Variants in TGM2 observed in about 807,000 individuals in gnomAD.
TGM2 encodes transglutaminase 2.
A neutral mutation model predicts 75.6 loss-of-function variants in TGM2; 53 were observed. The ratio of observed to expected loss-of-function variants is 0.70; its 90% CI spans 0.56 to 0.88. The LOEUF (loss-of-function observed/expected upper bound fraction) is 0.88, where lower values mean the gene tolerates loss of function less well. Ranked by LOEUF, TGM2 falls within the 40% of genes least tolerant of loss-of-function variation. The pLI, the probability that TGM2 is intolerant of heterozygous loss-of-function variation, is 0.00. For missense variants in TGM2, 842 were observed against 928.5 expected (o/e 0.91, Z 1.21); for synonymous variants, 374 against 381.1 (o/e 0.98, Z 0.22).
chr20:38,131,187 C>T lies in TGM2; in HGVS notation c.1819G>A (p.Val607Met), dbSNP rs142710449. Reference sequence around the variant, plus strand: ...ACAGGGAGCGGGTTCTGCAGGGACACCTCAGCCACCAGCTTGCGTTTCTGC... The same window carrying T: ...ACAGGGAGCGGGTTCTGCAGGGACATCTCAGCCACCAGCTTGCGTTTCTGC... ...PKQKRKLVAE[V>M]SLQNPLPVAL... Residue 607 changes from valine to methionine, a missense_variant, in exon 12 of 13, where the codon GTG becomes ATG. Transcript: ENST00000361475. 6.2e-7 allele frequency: 1 copy of T among 1,613,928 alleles called. No homozygotes were observed. The highest frequency in any genetic ancestry group is 8.5e-7 in the Non-Finnish European group (1 of 1,180,012).
At chr20:38,145,921 A>C (rs2075039462) in intron 6 of TGM2, 1 of 151,832 alleles carries the variant, frequency 6.6e-6, no homozygotes, top group Non-Finnish European at 1.5e-5. Flanking sequence ...ACACACAACC[A>C]TGCCTGCTAA....
Position 38,132,309 on chromosome 20 carries a change from G to A in TGM2, c.1776+31C>T, listed in dbSNP as rs371239557. The stretch of plus-strand genomic sequence containing the variant: ...CTCTCCCCAGCGCTGAGCTGCCCTG[G>A]GACCCTGCCCCTTGCCCAGCCTGCC... On this transcript the variant is annotated intron_variant, in intron 11 of 12. Transcript: ENST00000361475. 2,753 of 1,613,630 alleles carry A rather than the reference G, an allele frequency of 1.7e-3. 58 individuals carry two copies. In the South Asian group the frequency reaches 0.022, roughly 13 times the overall value.
Position 38,150,999 on chromosome 20 carries a change from C to G in TGM2, c.492G>C (p.Gln164His). The change falls in exon 4 of 13, where the codon CAG becomes CAC. Residue 164 changes from glutamine to histidine, a missense_variant. Gln to His is a conservative substitution (Grantham distance 24, BLOSUM62 0). Coordinates refer to ENST00000361475, the MANE Select transcript of TGM2 (RefSeq NM_004613.4). ...TGGCCGAGCCCTGGTAGATAAAGCC[C>G]TGCTGGGTGAGGACATACTCCTGCC... ...EERQEYVLTQ[Q>H]GFIYQGSAKF... The G allele has an allele frequency of 1.2e-6, 2 of 1,614,174 alleles. No homozygotes were observed. Among genetic ancestry groups the G allele is most frequent in the Non-Finnish European group, 1.7e-6 (2 of 1,180,036 alleles).
intron 3 of TGM2, among the ~76,000 whole-genome samples, chr20:38,153,596 G>A (rs2075144766): frequency 1.3e-5 from 2 of 151,240 alleles, no homozygotes; most frequent in Non-Finnish European, 2.9e-5. Flanking sequence ...GCCTCACGGT[G>A]TATTGTGAGG....
intron 10 of TGM2, among the ~76,000 whole-genome samples, chr20:38,134,518 T>C (rs1486369837): frequency 2.0e-5 from 3 of 152,160 alleles, no homozygotes; most frequent in Admixed American, 1.3e-4. Context: ...AAAGTCTCCG[T>C]CCACAAGCCA....
Position 38,147,944 on chromosome 20 carries a change from C to T in TGM2, c.681+17G>A. On this transcript the variant is annotated intron_variant, in intron 5 of 12. Coordinates refer to ENST00000361475, the MANE Select transcript of TGM2 (RefSeq NM_004613.4). ...CCTGTAGGCCCCGCCCCTGGATGGG[C>T]CATGCCACTCACTCACCATGCCACT... 6.2e-7 allele frequency: 1 copy of T among 1,605,378 alleles called. No homozygotes were observed. The highest frequency in any genetic ancestry group is 1.1e-5 in the South Asian group (1 of 89,860).
intron 3 of TGM2, among the ~76,000 whole-genome samples, chr20:38,155,045 G>A (rs2122949176): frequency 6.6e-6 from 1 of 152,362 alleles, no homozygotes; most frequent in African/African-American, 2.4e-5. Context: ...GGCAGAGGTT[G>A]CAGTGAGCTG....
At chr20:38,156,644 C>T (rs1401560520) in intron 2 of TGM2, among the ~76,000 whole-genome samples, 3 of 152,228 alleles carry the variant, frequency 2.0e-5, no homozygotes, top group African/African-American at 4.8e-5. Context: ...GCCCACACAG[C>T]CTCAAGGTGT....
rs572133549 is a variant in TGM2 at position 38,146,625 on chromosome 20, C to T, written c.859+92G>A. ...CATTGAGAGTGTTGGTGGCAGGGGG[C>T]AGGACCAGGGCAGGGATGTCCTGAT... On this transcript the variant is annotated intron_variant, in intron 6 of 12. Transcript: ENST00000361475. 1.4e-4 allele frequency: 204 copies of T among 1,486,828 alleles called. 2 individuals carry two copies. In the East Asian group the frequency reaches 4.7e-3, roughly 34 times the overall value. The allele number at this position is 1,486,828 out of a possible 1,614,324, so 92.1% of individuals were successfully genotyped here.
At chr20:38,154,795 G>T (rs1281970606) in intron 3 of TGM2, among the ~76,000 whole-genome samples, 3 of 151,968 alleles carry the variant, frequency 2.0e-5, no homozygotes, top group Non-Finnish European at 4.4e-5. Flanking sequence ...ACCAGTCTGG[G>T]TGAGATTTAA....
At chr20:38,134,812 T>A (rs976544469) in intron 10 of TGM2, among the ~76,000 whole-genome samples, 1 of 152,192 alleles carries the variant, frequency 6.6e-6, no homozygotes, top group African/African-American at 2.4e-5. Context: ...TGGCTTCCTG[T>A]CCACCAGCAC....
At chr20:38,145,931 A>C (rs1388354068) in intron 6 of TGM2, 1 of 151,686 alleles carries the variant, frequency 6.6e-6, no homozygotes, top group Non-Finnish European at 1.5e-5. Context: ...ATGCCTGCTA[A>C]TTTTTATTTT....
At chr20:38,136,899 C>T (rs890134437) in intron 10 of TGM2, among the ~76,000 whole-genome samples, 1 of 152,170 alleles carries the variant, frequency 6.6e-6, no homozygotes, top group Non-Finnish European at 1.5e-5. Context: ...AGTGACAAAG[C>T]CAGACAGTGG....
chr20:38,137,125 C>T (rs1228655633), intron 10 of TGM2, among the ~76,000 whole-genome samples: 2 of 152,192 alleles, frequency 1.3e-5, no homozygotes, highest in South Asian at 2.1e-4. Flanking sequence ...TTTGGCTCGC[C>T]GATCTGCTCT....
rs551145461 is a variant in TGM2, at chr20:38,129,577, A to T, written c.*642T>A. The T allele has an allele frequency of 1.3e-5, 2 of 152,886 alleles. No homozygotes were observed. The highest frequency in any genetic ancestry group is 2.9e-5 in the Non-Finnish European group (2 of 68,472). The allele number at this position is 152,886 out of a possible 1,614,324, so 9.5% of individuals were successfully genotyped here. On this transcript the variant is annotated 3_prime_UTR_variant, in exon 13 of 13. Transcript: ENST00000361475. ...GAAGCAGCGCCCACAACAGTTTCCC[A>T]TGGTGATTAAATGGGTTGGAGGCCC...
chr20:38,164,326 T>TCC (rs1271621387), intron 1 of TGM2, among the ~76,000 whole-genome samples: 3 of 152,116 alleles, frequency 2.0e-5, no homozygotes, highest in African/African-American at 7.2e-5. Context: ...GCAGAAGCCA[T>TCC]CCCCAGATGA....
chr20:38,151,485 G>A (rs1391858061), intron 3 of TGM2, among the ~76,000 whole-genome samples: 1 of 152,194 alleles, frequency 6.6e-6, no homozygotes, highest in Non-Finnish European at 1.5e-5. Flanking sequence ...CACTTGCTGT[G>A]TGACCCTGGG....
upstream of TGM2, among the ~76,000 whole-genome samples, chr20:38,168,212 G>T (rs78259380): frequency 0.012 from 1,789 of 152,332 alleles, 26 homozygotes; most frequent in Middle Eastern, 0.082. Context: ...TGGCCAGCCG[G>T]GGTCAGGACT....
chr20:38,166,115 C>T (rs1253365253), upstream of TGM2, among the ~76,000 whole-genome samples: 1 of 152,232 alleles, frequency 6.6e-6, no homozygotes, highest in East Asian at 1.9e-4. Flanking sequence ...TACAGACATG[C>T]AGACACACCT....
Sources: gnomAD v4.1 joint callset for allele counts (sites outside exome capture counted in the v4.1 genomes callset) on GRCh38, gnomAD v4.1.1 for gene constraint, MANE v1.5 for transcripts, NCBI Gene and HGNC (gene_info 2026-07-23, HGNC 2026-07-21) for gene names.